ATP8A1: variants seen among roughly 807,000 people sequenced by gnomAD.
ATP8A1 encodes the protein phospholipid-transporting ATPase IA.
In ATP8A1, 90 loss-of-function variants were observed where a neutral mutation model predicts 177.7. The observed-to-expected ratio is 0.51, with a 90% CI of 0.43 to 0.60. The LOEUF is 0.60. ATP8A1 is among the 20% of genes least tolerant of loss of function. The probability of loss-of-function intolerance (pLI) is 0.00; values close to 1 mark genes in which losing one functional copy is unlikely to be tolerated. For missense variants in ATP8A1, 1,072 were observed against 1,392.8 expected (o/e 0.77, Z 3.67); for synonymous variants, 493 against 485.9 (o/e 1.01, Z -0.19).
chr4:42,579,726 CAA>C, intron 11 of ATP8A1, 85 bp downstream of exon 11: 1 of 1,220,572 alleles, frequency 8.2e-7, no homozygotes, highest in Non-Finnish European at 1.2e-6. Flanking sequence ...TTTTTAGAAA[CAA>C]TACGAAATAA....
Position 42,552,598 on chromosome 4 carries a change from T to C in ATP8A1, c.1426A>G (p.Ile476Val). 6.2e-7 allele frequency: 1 copy of C among 1,613,078 alleles called. No individual in the cohort carries two copies. Among genetic ancestry groups the C allele is most frequent in the Non-Finnish European group, 8.5e-7 (1 of 1,179,564 alleles). The change falls in exon 17 of 37, where the codon ATA (isoleucine) becomes GTA (valine). Residue 476 changes from isoleucine to valine, a missense_variant. Around this residue, in one of 5 missense-constraint regions of ATP8A1, gnomAD observed 388 missense variants for 471.7 expected, o/e 0.82. Coordinates refer to ENST00000381668, the MANE Select transcript of ATP8A1 (RefSeq NM_006095.2). ...NLQNNHPTAP[I>V]ICEFLTMMAV... Reference sequence around the variant, plus strand: ...ATCATTGTAAGAAATTCACATATTATAGGTGCAGTTGGCTGTGAAAAATAA... The same window carrying C: ...ATCATTGTAAGAAATTCACATATTACAGGTGCAGTTGGCTGTGAAAAATAA...
chr4:42,448,424 G>C (rs1375976886), intron 30 of ATP8A1, among the ~76,000 whole-genome samples: 2 of 2,756 alleles, frequency 7.3e-4, no homozygotes, highest in Non-Finnish European at 0.014. Context: ...TTGAGATGGA[G>C]TCTCACTCTG....
At chr4:42,569,957 C>T (rs535868036) in intron 14 of ATP8A1, among the ~76,000 whole-genome samples, 1 of 151,938 alleles carries the variant, frequency 6.6e-6, no homozygotes. Flanking sequence ...TTTTATTTTC[C>T]ATTTCTTTCA....
intron 24 of ATP8A1, among the ~76,000 whole-genome samples, chr4:42,500,376 A>G (rs1454464256): frequency 9.2e-6 from 1 of 109,268 alleles, no homozygotes. Context: ...AAAACAAAAC[A>G]AAACAAAACA....
At chr4:42,553,904 C>T (rs1470335608) in intron 16 of ATP8A1, among the ~76,000 whole-genome samples, 2 of 151,986 alleles carry the variant, frequency 1.3e-5, no homozygotes, top group South Asian at 4.2e-4. Context: ...AAGTTTTAGC[C>T]TCATGAAGAA....
chr4:42,543,975 C>A lies in ATP8A1; in HGVS notation c.1664G>T (p.Arg555Ile). Residue 555 changes from arginine (R) to isoleucine (I), a missense_variant, in exon 20 of 37, where the codon AGA becomes ATA. Coordinates refer to ENST00000381668, the MANE Select transcript of ATP8A1 (RefSeq NM_006095.2). ...TGGAGTGCGAACAATCACTGACATT[C>A]TTTTCCTAGCACTGAAAGAAAGAGG... ...NVLEFTSARK[R>I]MSVIVRTPSG... 1 of 1,613,244 alleles carries A rather than the reference C, an allele frequency of 6.2e-7. No individual in the cohort carries two copies. The highest frequency in any genetic ancestry group is 8.5e-7 in the Non-Finnish European group (1 of 1,179,570).
At chr4:42,465,137 C>A in intron 25 of ATP8A1, 61 bp from the exon 26 acceptor site, 1 of 1,431,440 alleles carries the variant, frequency 7.0e-7, no homozygotes, top group South Asian at 1.3e-5. Context: ...GAAATGCCAT[C>A]GTGTTGAAGG....
chr4:42,457,941 T>C (rs1718669802), intron 27 of ATP8A1, among the ~76,000 whole-genome samples: 1 of 152,190 alleles, frequency 6.6e-6, no homozygotes, highest in Non-Finnish European at 1.5e-5. Flanking sequence ...TAGGTGAACA[T>C]GTTTTTAGAA....
At chr4:42,630,028 T>C (rs1171458326) in intron 1 of ATP8A1, among the ~76,000 whole-genome samples, 1 of 152,246 alleles carries the variant, frequency 6.6e-6, no homozygotes, top group Non-Finnish European at 1.5e-5. Context: ...ACACATTTGC[T>C]ACATTCAAAA....
intron 4 of ATP8A1, among the ~76,000 whole-genome samples, chr4:42,618,132 TAC>T (rs1424614950): frequency 1.3e-5 from 2 of 152,222 alleles, no homozygotes; most frequent in African/African-American, 4.8e-5. Flanking sequence ...AACTTCAGGA[TAC>T]ATAGTATGCA....
chr4:42,456,103 T>G (rs1024919785), intron 27 of ATP8A1, among the ~76,000 whole-genome samples: 4 of 152,228 alleles, frequency 2.6e-5, no homozygotes, highest in African/African-American at 9.6e-5. Context: ...ACTGGAAACC[T>G]GCATATAGAG....
chr4:42,651,204 T>G (rs931474182), intron 1 of ATP8A1, among the ~76,000 whole-genome samples: 1 of 152,138 alleles, frequency 6.6e-6, no homozygotes, highest in Non-Finnish European at 1.5e-5. Flanking sequence ...TTAAACCTCT[T>G]TCTTTTGTAA....
chr4:42,434,005 C>A (rs1358942194), intron 33 of ATP8A1, among the ~76,000 whole-genome samples: 1 of 152,082 alleles, frequency 6.6e-6, no homozygotes, highest in Non-Finnish European at 1.5e-5. Flanking sequence ...AGAAAATAGT[C>A]TTTCTAAAAA....
chr4:42,622,785 G>A (rs1041146517), intron 4 of ATP8A1, among the ~76,000 whole-genome samples: 1 of 152,174 alleles, frequency 6.6e-6, no homozygotes, highest in Non-Finnish European at 1.5e-5. Flanking sequence ...CGTGGCAGGT[G>A]GATTGCCTGA....
At chr4:42,524,286 G>C (rs1726450736) in intron 21 of ATP8A1, among the ~76,000 whole-genome samples, 1 of 152,118 alleles carries the variant, frequency 6.6e-6, no homozygotes, top group Non-Finnish European at 1.5e-5. Context: ...AAAAAGTCTT[G>C]AGTTGTAATA....
chr4:42,526,196 G>A (rs1726654443), intron 20 of ATP8A1, among the ~76,000 whole-genome samples: 2 of 145,794 alleles, frequency 1.4e-5, no homozygotes, highest in African/African-American at 2.4e-5. Flanking sequence ...CGTTTAGAAT[G>A]AGAAAAATTA....
chr4:42,417,418 C>G lies in ATP8A1; in HGVS notation c.3306-2700G>C, dbSNP rs1017472938. Among the ~76,000 whole-genome samples the G allele has an allele frequency of 2.0e-5, 3 of 151,424 alleles. No individual in the cohort carries two copies. The East Asian group carries it at 5.8e-4, about 29-fold the overall frequency. On this transcript the variant is annotated intron_variant, in intron 35 of 36. Transcript: ENST00000381668. Reference sequence around the variant, plus strand: ...CTTGACTAGCAGTTTTACGTAGTCTCTTATAGTCTTTCATTTACATACCAA... The same window carrying G: ...CTTGACTAGCAGTTTTACGTAGTCTGTTATAGTCTTTCATTTACATACCAA...
intron 10 of ATP8A1, among the ~76,000 whole-genome samples, chr4:42,580,255 T>A (rs931079509): frequency 9.9e-5 from 15 of 152,178 alleles, no homozygotes; most frequent in African/African-American, 3.6e-4. Context: ...AGCTTTTGCA[T>A]TGTGGCAGGT....
chr4:42,604,668 C>T (rs1328568514), intron 5 of ATP8A1, among the ~76,000 whole-genome samples: 3 of 152,190 alleles, frequency 2.0e-5, no homozygotes, highest in Admixed American at 1.3e-4. Flanking sequence ...AGAAATTCTA[C>T]TACTAGGTGT....
Sources: allele counts gnomAD v4.1 joint callset (sites outside exome capture counted in the v4.1 genomes callset), GRCh38; gene constraint gnomAD v4.1.1; regional missense constraint gnomAD v4.1.1; transcripts MANE v1.5; gene names NCBI Gene and HGNC (gene_info 2026-07-23, HGNC 2026-07-21).